The following GRM1 variants were observed in gnomAD, a reference collection of about 807,000 sequenced individuals.
GRM1 encodes the protein glutamate metabotropic receptor 1, also known as metabotropic glutamate receptor 1.
Under a neutral mutation model 90.9 loss-of-function variants are expected in GRM1, and 33 were observed. That is an observed-to-expected ratio of 0.36 (90% CI 0.28 to 0.49). The LOEUF (loss-of-function observed/expected upper bound fraction) is 0.49. Among genes scored for constraint, GRM1 ranks in the 20% least tolerant of loss-of-function variants. GRM1 has a pLI of 0.99. For synonymous variants in GRM1, 700 were observed against 613.2 expected, an observed-to-expected ratio of 1.14 and a Z score of -2.09; for missense variants, 1,190 against 1,534.3, an observed-to-expected ratio of 0.78 and a Z score of 3.75.
intron 2 of GRM1, among the ~76,000 whole-genome samples, chr6:146,195,473 T>C (rs1003505055): frequency 5.3e-4 from 81 of 152,200 alleles, no homozygotes; most frequent in Non-Finnish European, 8.8e-4. Context: ...GCTTGAGCCC[T>C]GTTTTTGCTC....
At chr6:146,069,699 C>G (rs1775964124) in intron 1 of GRM1, among the ~76,000 whole-genome samples, 1 of 152,090 alleles carries the variant, frequency 6.6e-6, no homozygotes, top group Admixed American at 6.6e-5. Context: ...ATGAAAGATT[C>G]CTAACATTAG....
At chr6:146,299,933 G>A (rs2114912127) in intron 2 of GRM1, among the ~76,000 whole-genome samples, 1 of 152,172 alleles carries the variant, frequency 6.6e-6, no homozygotes, top group South Asian at 2.1e-4. Context: ...CTCATTTCTT[G>A]CTCAAGAAAT....
chr6:146,316,694 A>G (rs1481438335), intron 3 of GRM1, among the ~76,000 whole-genome samples: 1 of 152,130 alleles, frequency 6.6e-6, no homozygotes, highest in Non-Finnish European at 1.5e-5. Flanking sequence ...CTTATTTCGC[A>G]TCATCATCCT....
At position 146,029,109 on chromosome 6, in the gene GRM1, A is replaced by G. The variant is rs1790610498; in HGVS notation, c.-409A>G. Reference sequence around the variant, plus strand: ...CAGGATGTGCCGAAATGAAACGGACAAGGCAACTGTTAACATTATAGACCC... The same window carrying G: ...CAGGATGTGCCGAAATGAAACGGACGAGGCAACTGTTAACATTATAGACCC... On this transcript the variant is annotated 5_prime_UTR_variant, in exon 1 of 8. Coordinates refer to ENST00000282753, the MANE Select transcript of GRM1 (RefSeq NM_001278064.2). 1 of 287,458 alleles carries G rather than the reference A, an allele frequency of 3.5e-6. No homozygotes were observed. Among genetic ancestry groups the G allele is most frequent in the Admixed American group, 4.9e-5 (1 of 20,248 alleles). The allele number at this position is 287,458 out of a possible 1,614,324, so 17.8% of individuals were successfully genotyped here.
chr6:146,177,494 G>A (rs1232872021), intron 2 of GRM1, among the ~76,000 whole-genome samples: 2 of 151,958 alleles, frequency 1.3e-5, no homozygotes, highest in East Asian at 3.9e-4. Context: ...TATACTCAAT[G>A]TTCTTAAATT....
chr6:146,419,075 C>T (rs937639266), intron 7 of GRM1, among the ~76,000 whole-genome samples: 4 of 152,038 alleles, frequency 2.6e-5, no homozygotes, highest in African/African-American at 7.3e-5. Context: ...ACTGAGATTT[C>T]GCCTACATTG....
intron 1 of GRM1, among the ~76,000 whole-genome samples, chr6:146,090,947 G>T (rs1284637578): frequency 6.6e-6 from 1 of 151,968 alleles, no homozygotes; most frequent in East Asian, 1.9e-4. Context: ...ACCAAAAAGA[G>T]CATACAGGAG....
chr6:146,352,173 A>G (rs1019180957), intron 3 of GRM1, 77 bp from the exon 4 acceptor site: 27 of 1,482,414 alleles, frequency 1.8e-5, no homozygotes, highest in Middle Eastern at 1.8e-4. Context: ...GAACCCCCAA[A>G]AGCATTTGAG....
At chr6:146,320,439 G>T (rs558523053) in intron 3 of GRM1, among the ~76,000 whole-genome samples, 2 of 152,036 alleles carry the variant, frequency 1.3e-5, no homozygotes, top group African/African-American at 2.4e-5. Context: ...TTTTTGTTGT[G>T]TCTCTGCCAG....
At chr6:146,122,845 T>C (rs1360890630) in intron 1 of GRM1, among the ~76,000 whole-genome samples, 240 of 137,706 alleles carry the variant, frequency 1.7e-3, no homozygotes, top group South Asian at 7.5e-3. Flanking sequence ...CTTTCTTTTT[T>C]TTTTTTTTTT....
At chr6:146,225,330 A>C (rs144387111) in intron 2 of GRM1, among the ~76,000 whole-genome samples, 21 of 152,260 alleles carry the variant, frequency 1.4e-4, no homozygotes, top group East Asian at 1.2e-3. Context: ...TCACTAGTTT[A>C]GGAGAAAGAC....
At chr6:146,230,514 A>T (rs1780412331) in intron 2 of GRM1, among the ~76,000 whole-genome samples, 1 of 152,168 alleles carries the variant, frequency 6.6e-6, no homozygotes, top group African/African-American at 2.4e-5. Flanking sequence ...CTGACAACAC[A>T]CAATGTTGGC....
Position 146,159,472 on chromosome 6 carries a change from C to G in GRM1, c.825C>G (p.Arg275=). The change falls in exon 2 of 8, where the codon CGC becomes CGG. Residue 275 remains arginine, a synonymous_variant. Transcript: ENST00000282753. The part of the protein sequence containing the change: ...AGEKSFDRLL[R]KLRERLPKAR... ...AGAAGAGCTTTGACCGACTCTTGCG[C>G]AAACTCCGAGAGAGGCTTCCCAAGG... The G allele has an allele frequency of 6.2e-7, 1 of 1,614,224 alleles. No homozygotes were observed. The highest frequency in any genetic ancestry group is 8.5e-7 in the Non-Finnish European group (1 of 1,180,026).
chr6:146,191,437 C>T (rs1778932780), intron 2 of GRM1, among the ~76,000 whole-genome samples: 2 of 152,120 alleles, frequency 1.3e-5, no homozygotes, highest in Non-Finnish European at 1.5e-5. Flanking sequence ...CTGTTTAACC[C>T]TCTTACTGAT....
chr6:146,328,110 G>A (rs1784458077), intron 3 of GRM1, among the ~76,000 whole-genome samples: 1 of 152,168 alleles, frequency 6.6e-6, no homozygotes, highest in African/African-American at 2.4e-5. Flanking sequence ...ATAGTGCACG[G>A]TTGCCAAAAG....
At chr6:146,231,121 C>T (rs1780437689) in intron 2 of GRM1, among the ~76,000 whole-genome samples, 1 of 152,088 alleles carries the variant, frequency 6.6e-6, no homozygotes, top group Non-Finnish European at 1.5e-5. Flanking sequence ...ATACAATGTG[C>T]AACACTGAGA....
At chr6:146,178,209 C>T (rs1399376992) in intron 2 of GRM1, among the ~76,000 whole-genome samples, 2 of 152,140 alleles carry the variant, frequency 1.3e-5, no homozygotes, top group African/African-American at 4.8e-5. Flanking sequence ...GCTTTGATGA[C>T]CTCAATAGTT....
chr6:146,060,433 T>C (rs1421114287), intron 1 of GRM1, among the ~76,000 whole-genome samples: 1 of 152,114 alleles, frequency 6.6e-6, no homozygotes, highest in Non-Finnish European at 1.5e-5. Flanking sequence ...CTGGTGTCTG[T>C]TGTTCCTTTC....
chr6:146,140,087 T>C (rs1446037771), intron 1 of GRM1, among the ~76,000 whole-genome samples: 1 of 103,954 alleles, frequency 9.6e-6, no homozygotes, highest in Non-Finnish European at 2.0e-5. Flanking sequence ...CCTTTCTTTC[T>C]TTATTCTTTC....
Sources: allele counts gnomAD v4.1 joint callset (sites outside exome capture counted in the v4.1 genomes callset), GRCh38; gene constraint gnomAD v4.1.1; transcripts MANE v1.5; gene names NCBI Gene and HGNC (gene_info 2026-07-23, HGNC 2026-07-21).